Variants in ADGRV1 observed in about 807,000 individuals in gnomAD.
ADGRV1 encodes adhesion G protein-coupled receptor V1, also known as G-protein coupled receptor 98.
A neutral mutation model predicts 596.2 loss-of-function variants in ADGRV1; 359 were observed. The observed-to-expected ratio is 0.60, with a 90% CI of 0.55 to 0.66. The LOEUF is 0.66. ADGRV1 is among the 30% of genes least tolerant of loss of function. ADGRV1 has a pLI of 0.00. For synonymous variants in ADGRV1, 2,681 were observed against 2,679.2 expected (o/e 1.00, Z -0.02); for missense variants, 7,274 against 7,575.6 (o/e 0.96, Z 1.48).
At chr5:90,924,581 T>C (rs1774230400) in intron 83 of ADGRV1, among the ~76,000 whole-genome samples, 1 of 150,998 alleles carries the variant, frequency 6.6e-6, no homozygotes, top group Admixed American at 6.6e-5. Context: ...ATTTTGTAGG[T>C]TGCCTGTTCA....
intron 85 of ADGRV1, among the ~76,000 whole-genome samples, chr5:90,993,852 A>G (rs1781178391): frequency 6.6e-6 from 1 of 151,832 alleles, no homozygotes. Flanking sequence ...GTCTTTTATT[A>G]TGCATATATT....
intron 85 of ADGRV1, among the ~76,000 whole-genome samples, chr5:91,070,209 A>G (rs1788266471): frequency 6.6e-6 from 1 of 152,192 alleles, no homozygotes; most frequent in Non-Finnish European, 1.5e-5. Flanking sequence ...AGCATCATGC[A>G]ATATACTCAT....
intron 21 of ADGRV1, among the ~76,000 whole-genome samples, chr5:90,667,939 C>G (rs10044179): frequency 0.016 from 2,339 of 150,900 alleles, 49 homozygotes; most frequent in African/African-American, 0.054. Flanking sequence ...AGGGGTCAGG[C>G]ACCCACTTGA....
chr5:91,007,039 T>C (rs1294909736), intron 85 of ADGRV1, among the ~76,000 whole-genome samples: 2 of 152,168 alleles, frequency 1.3e-5, no homozygotes, highest in Non-Finnish European at 2.9e-5. Context: ...ACATCCCAAA[T>C]TACCAGTCAT....
chr5:90,690,617 T>G (rs886556888), intron 30 of ADGRV1, among the ~76,000 whole-genome samples, 180 bp from the exon 31 acceptor site: 2 of 152,130 alleles, frequency 1.3e-5, no homozygotes, highest in Non-Finnish European at 2.9e-5. Flanking sequence ...TGAAAAATAA[T>G]TTGGAAATTT....
At chr5:90,958,345 G>T (rs60875962) in intron 83 of ADGRV1, among the ~76,000 whole-genome samples, 42,793 of 149,514 alleles carry the variant, frequency 0.29, 6,410 homozygotes, top group African/African-American at 0.37. Flanking sequence ...AAATATTTTG[G>T]ATAATTTCAA....
chr5:90,825,091 C>T (rs1016537215), intron 76 of ADGRV1, among the ~76,000 whole-genome samples: 1 of 152,112 alleles, frequency 6.6e-6, no homozygotes, highest in Non-Finnish European at 1.5e-5. Context: ...TGCACACCAC[C>T]ATGCCCAACT....
rs146711825 is a variant in ADGRV1, at chr5:91,114,214, G to A, written c.18432+11874G>A. On this transcript the variant is annotated intron_variant, in intron 87 of 89. Transcript: ENST00000405460. ...AGCCTAGGCAACAGTGAGAGACTTC[G>A]TCTCAAAAACACACAACCACACAGA... is the stretch of plus-strand genomic sequence containing the variant. Among the ~76,000 whole-genome samples the A allele has an allele frequency of 2.7e-3, 407 of 150,682 alleles. 2 individuals are homozygous for A. Among genetic ancestry groups the A allele is most frequent in the African/African-American group, 9.2e-3 (375 of 40,944 alleles).
At chr5:91,135,558 T>C (rs1216424838) in intron 87 of ADGRV1, among the ~76,000 whole-genome samples, 1 of 152,238 alleles carries the variant, frequency 6.6e-6, no homozygotes, top group Non-Finnish European at 1.5e-5. Context: ...TTTCGACCCA[T>C]TTCTTAGTTA....
At chr5:91,108,846 C>T in intron 87 of ADGRV1, among the ~76,000 whole-genome samples, 1 of 152,142 alleles carries the variant, frequency 6.6e-6, no homozygotes, top group East Asian at 1.9e-4. Flanking sequence ...ATCCTCCCAC[C>T]TCAGCCTCCC....
intron 87 of ADGRV1, among the ~76,000 whole-genome samples, chr5:91,138,185 C>CA (rs1794799136): frequency 6.6e-6 from 1 of 150,438 alleles, no homozygotes; most frequent in Non-Finnish European, 1.5e-5. Context: ...GCTCTTATTC[C>CA]AAAAAAGTGC....
In ADGRV1 at chr5:90,658,143, A is replaced by G. The variant is rs1319842093; in HGVS notation, c.4617A>G (p.Glu1539=). ...ARDDNDEEGE[E]LFILKLVSVY... Reference sequence around the variant, plus strand: ...ATGACAATGACGAGGAAGGAGAAGAATTATTCATTCTTAAACTAGTTTCTG... The same window carrying G: ...ATGACAATGACGAGGAAGGAGAAGAGTTATTCATTCTTAAACTAGTTTCTG... The change falls in exon 21 of 90, where the codon GAA becomes GAG. Residue 1539 remains glutamate (E), a synonymous_variant. Coordinates refer to ENST00000405460, the MANE Select transcript of ADGRV1 (RefSeq NM_032119.4). 4.3e-6 allele frequency: 7 copies of G among 1,613,460 alleles called. No individual in the cohort carries two copies. The highest frequency in any genetic ancestry group is 5.9e-6 in the Non-Finnish European group (7 of 1,179,566).
intron 83 of ADGRV1, among the ~76,000 whole-genome samples, chr5:90,886,986 G>C (rs760328953): frequency 6.6e-6 from 1 of 152,134 alleles, no homozygotes; most frequent in Non-Finnish European, 1.5e-5. Flanking sequence ...TGATCTGCCT[G>C]CTTCACCTCT....
chr5:90,776,660 A>G (rs1758273764), intron 61 of ADGRV1, 84 bp downstream of exon 61: 6 of 1,379,764 alleles, frequency 4.3e-6, no homozygotes, highest in Non-Finnish European at 5.1e-6. Flanking sequence ...ATCATTCTCA[A>G]TACATACATA....
intron 87 of ADGRV1, among the ~76,000 whole-genome samples, chr5:91,116,024 T>C (rs1056616514): frequency 2.0e-5 from 3 of 152,094 alleles, no homozygotes; most frequent in African/African-American, 7.2e-5. Context: ...GCCAAATGGA[T>C]AGCACTCCAG....
chr5:90,613,623 C>G (rs916305313), intron 1 of ADGRV1, among the ~76,000 whole-genome samples: 1 of 152,080 alleles, frequency 6.6e-6, no homozygotes, highest in Non-Finnish European at 1.5e-5. Context: ...GCATCTCTGT[C>G]CCTGTTAGCT....
At chr5:90,753,432 G>T in intron 53 of ADGRV1, 142 bp from the exon 54 acceptor site, 1 of 572,814 alleles carries the variant, frequency 1.7e-6, no homozygotes. Context: ...CATCTGATTT[G>T]TAGAATCATA....
Position 90,811,114 on chromosome 5 carries a change from T to A in ADGRV1, c.15854T>A (p.Leu5285Gln), listed in dbSNP as rs749381486. The A allele has an allele frequency of 6.2e-7, 1 of 1,613,794 alleles. No individual in the cohort carries two copies. The highest frequency in any genetic ancestry group is 1.3e-5 in the African/African-American group (1 of 75,024). ...CGTGGTATCTATGGGATTTCCAACC[T>A]AACATGGGCAGTTGAAGAAGAAGAC... ...PFRGIYGISNLTWAVEEEDFE... is the reference protein window; with the variant it reads ...PFRGIYGISNQTWAVEEEDFE... The change falls in exon 74 of 90, where the codon CTA becomes CAA. Residue 5285 changes from leucine to glutamine, a missense_variant. Transcript: ENST00000405460.
Position 90,811,149 on chromosome 5 carries a change from C to A in ADGRV1, c.15889C>A (p.Gln5297Lys). ...AGTTGAAGAAGAAGACTTTGAAGAA[C>A]AAACTCTTACCCTTATATTCCTAGA... ...WAVEEEDFEE[Q>K]TLTLIFLDGE... is the part of the protein sequence containing the mutation. The change falls in exon 74 of 90, where the codon CAA becomes AAA. Residue 5297 changes from glutamine to lysine, a missense_variant. Physicochemically the swap from Gln to Lys is moderately conservative, Grantham distance 53. Around this residue, in one of 5 missense-constraint regions of ADGRV1, gnomAD observed 1,874 missense variants for 1,970.2 expected, o/e 0.95. Coordinates refer to ENST00000405460, the MANE Select transcript of ADGRV1 (RefSeq NM_032119.4). The A allele has an allele frequency of 3.7e-6, 6 of 1,613,778 alleles. No homozygotes were observed. Among genetic ancestry groups the A allele is most frequent in the Non-Finnish European group, 5.1e-6 (6 of 1,179,800 alleles).
Sources: gnomAD v4.1 joint callset for allele counts (sites outside exome capture counted in the v4.1 genomes callset) on GRCh38, gnomAD v4.1.1 for gene constraint, gnomAD v4.1.1 regional missense constraint, MANE v1.5 for transcripts, NCBI Gene and HGNC (gene_info 2026-07-23, HGNC 2026-07-21) for gene names.